Variants in PDE4D observed in about 807,000 individuals in gnomAD.
PDE4D encodes 3',5'-cyclic-AMP phosphodiesterase 4D.
Under a neutral mutation model 87.4 loss-of-function variants are expected in PDE4D, and 24 were observed. That is an observed-to-expected ratio of 0.27 (90% CI 0.20 to 0.39). The LOEUF is 0.39. Among genes scored for constraint, PDE4D ranks in the 10% least tolerant of loss-of-function variants. PDE4D has a pLI of 1.00. For synonymous variants in PDE4D, 384 were observed against 383.2 expected, an observed-to-expected ratio of 1.00 and a Z score of -0.02; for missense variants, 714 against 1,041.0, an observed-to-expected ratio of 0.69 and a Z score of 4.32.
At chr5:59,916,591 T>C (rs1443601885) in intron 3 of PDE4D, among the ~76,000 whole-genome samples, 1 of 152,162 alleles carries the variant, frequency 6.6e-6, no homozygotes, top group Non-Finnish European at 1.5e-5. Context: ...AATGTACATA[T>C]AATTTGGTTT....
chr5:60,361,477 A>T (rs1760064105), intron 1 of PDE4D, among the ~76,000 whole-genome samples: 1 of 152,126 alleles, frequency 6.6e-6, no homozygotes, highest in Non-Finnish European at 1.5e-5. Context: ...TACCTTCTCC[A>T]CTCTAATAAA....
intron 1 of PDE4D, among the ~76,000 whole-genome samples, chr5:59,837,116 C>A (rs1397549351): frequency 1.3e-5 from 2 of 152,138 alleles, no homozygotes; most frequent in Admixed American, 1.3e-4. Flanking sequence ...CTTCCTTCAC[C>A]CAGGCTCATT....
intron 3 of PDE4D, among the ~76,000 whole-genome samples, chr5:59,192,635 A>T (rs1744604506): frequency 6.6e-6 from 1 of 152,222 alleles, no homozygotes; most frequent in South Asian, 2.1e-4. Flanking sequence ...ACAACCTCTC[A>T]GGATTACTTG....
chr5:59,988,507 T>G, exon 3 of PDE4D: 1 of 1,597,796 alleles, frequency 6.3e-7, no homozygotes, highest in Non-Finnish European at 8.5e-7. Context: ...TCTGCAGAAG[T>G]GATAGCAATC....
chr5:59,709,583 T>C (rs1753915798), intron 1 of PDE4D, among the ~76,000 whole-genome samples: 1 of 152,298 alleles, frequency 6.6e-6, no homozygotes, highest in South Asian at 2.1e-4. Context: ...CTGACAGCTC[T>C]TGTTGAAAAA....
At chr5:59,646,051 G>A (rs1742384158) in intron 1 of PDE4D, among the ~76,000 whole-genome samples, 1 of 152,222 alleles carries the variant, frequency 6.6e-6, no homozygotes, top group South Asian at 2.1e-4. Flanking sequence ...AATGTATCAA[G>A]CAATTAATTT....
Position 60,265,992 on chromosome 5 carries a change from G to A in PDE4D, c.-89-80305C>T, listed in dbSNP as rs1227807677. Among the ~76,000 whole-genome samples, 4 of 152,094 alleles carry A rather than the reference G, an allele frequency of 2.6e-5. No homozygotes were observed. The East Asian group carries it at 7.7e-4, about 29-fold the overall frequency. On this transcript the variant is annotated intron_variant, in intron 1 of 16. Transcript: ENST00000502484. ...AAGAGCGTTGGTCCCTCCTGAGATG[G>A]CAGACAGCTTGGGAGAAGCAGCTGT...
chr5:60,084,401 T>C (rs372315452), intron 2 of PDE4D, among the ~76,000 whole-genome samples: 5 of 139,896 alleles, frequency 3.6e-5, no homozygotes, highest in Non-Finnish European at 1.6e-5. Context: ...TGTGTGTGTG[T>C]GTGTGCGCGC....
upstream of PDE4D, among the ~76,000 whole-genome samples, chr5:59,897,552 T>C (rs1385448906): frequency 2.6e-5 from 4 of 152,158 alleles, no homozygotes; most frequent in African/African-American, 7.2e-5. Flanking sequence ...GCTGCACCCA[T>C]TAACTTGTCA....
chr5:60,416,406 A>G (rs1179117621), intron 1 of PDE4D, among the ~76,000 whole-genome samples: 1 of 152,128 alleles, frequency 6.6e-6, no homozygotes, highest in East Asian at 1.9e-4. Flanking sequence ...TTGGGTCCAC[A>G]CTGTCTTTAT....
intron 1 of PDE4D, among the ~76,000 whole-genome samples, chr5:59,658,405 G>A (rs557822816): frequency 1.6e-3 from 241 of 150,930 alleles, no homozygotes; most frequent in South Asian, 0.01. Flanking sequence ...TTTTTGAGAC[G>A]GAGTCTCGCT....
intron 1 of PDE4D, among the ~76,000 whole-genome samples, chr5:60,484,039 T>C (rs1418054360): frequency 1.3e-5 from 2 of 152,320 alleles, no homozygotes; most frequent in Middle Eastern, 6.8e-3. Flanking sequence ...GATTCAAAAC[T>C]GCTAATTGAT....
At chr5:60,492,856 C>T (rs1485633293), upstream of PDE4D, among the ~76,000 whole-genome samples, 1 of 147,050 alleles carries the variant, frequency 6.8e-6, no homozygotes, top group Non-Finnish European at 1.5e-5. Context: ...CAAATCTGCA[C>T]ATTGTGCACA....
intron 1 of PDE4D, among the ~76,000 whole-genome samples, chr5:59,441,855 T>C (rs1245668896): frequency 6.6e-6 from 1 of 152,274 alleles, no homozygotes; most frequent in East Asian, 1.9e-4. Context: ...TTTATGTTTC[T>C]GTATATTTGT....
intron 1 of PDE4D, among the ~76,000 whole-genome samples, chr5:59,380,475 A>G (rs1785578817): frequency 6.6e-6 from 1 of 152,076 alleles, no homozygotes; most frequent in South Asian, 2.1e-4. Flanking sequence ...TTACAGCAAC[A>G]TGAAGGTGGT....
chr5:59,771,506 G>GAAAGAAAGAAAGA (rs1763541527), intron 1 of PDE4D, among the ~76,000 whole-genome samples: 1 of 128,932 alleles, frequency 7.8e-6, no homozygotes, highest in Admixed American at 7.5e-5. Flanking sequence ...AGAGAAGAAA[G>GAAAGAAAGAAAGA]AAAGAAAGAA....
intron 1 of PDE4D, among the ~76,000 whole-genome samples, chr5:60,480,706 G>A (rs148659254): frequency 1.5e-3 from 229 of 152,254 alleles, no homozygotes; most frequent in African/African-American, 5.3e-3. Flanking sequence ...ATACCTATAT[G>A]TGGACTGCCT....
At chr5:59,841,725 A>T (rs1743027936) in intron 1 of PDE4D, among the ~76,000 whole-genome samples, 1 of 152,074 alleles carries the variant, frequency 6.6e-6, no homozygotes, top group African/African-American at 2.4e-5. Context: ...GTGGGAACAG[A>T]GAGAGCATCC....
chr5:59,069,502 G>C (rs893661758), intron 5 of PDE4D, among the ~76,000 whole-genome samples: 42 of 145,328 alleles, frequency 2.9e-4, no homozygotes, highest in African/African-American at 1.0e-3. Context: ...CTCTCTTATG[G>C]AACAAGAAGC....
Sources: gnomAD v4.1 joint callset for allele counts (sites outside exome capture counted in the v4.1 genomes callset) on GRCh38, gnomAD v4.1.1 for gene constraint, MANE v1.5 for transcripts, NCBI Gene and HGNC (gene_info 2026-07-23, HGNC 2026-07-21) for gene names.